Variants in CNTN5 observed in about 807,000 individuals in gnomAD.
CNTN5 encodes the protein contactin 5, also known as contactin-5.
In CNTN5, 77 loss-of-function variants were observed where a neutral mutation model predicts 129.1. The observed-to-expected ratio is 0.60, with a 90% CI of 0.50 to 0.72. CNTN5 has a LOEUF of 0.72. CNTN5 is among the 30% of genes least tolerant of loss of function. CNTN5 has a pLI of 0.00. For synonymous variants in CNTN5, 509 were observed against 465.6 expected (o/e 1.09, Z -1.20); for missense variants, 1,478 against 1,328.8 (o/e 1.11, Z -1.75).
intron 18 of CNTN5, among the ~76,000 whole-genome samples, chr11:100,282,297 AG>A (rs994329045): frequency 2.6e-5 from 4 of 152,308 alleles, no homozygotes; most frequent in East Asian, 3.9e-4. Flanking sequence ...TATCTGCTTT[AG>A]GGGACACCCC....
chr11:99,323,277 T>C (rs188635321), intron 1 of CNTN5, among the ~76,000 whole-genome samples: 2 of 152,282 alleles, frequency 1.3e-5, no homozygotes, highest in Admixed American at 6.5e-5. Flanking sequence ...AGTCTGACTC[T>C]GACTGCAAAT....
intron 9 of CNTN5, among the ~76,000 whole-genome samples, chr11:100,026,433 G>A (rs1448559308): frequency 6.6e-6 from 1 of 152,062 alleles, no homozygotes; most frequent in Non-Finnish European, 1.5e-5. Flanking sequence ...TATGGTTATA[G>A]TATGTTTACT....
At chr11:99,584,090 G>T (rs988648385) in intron 3 of CNTN5, among the ~76,000 whole-genome samples, 5 of 152,166 alleles carry the variant, frequency 3.3e-5, no homozygotes, top group Non-Finnish European at 7.4e-5. Flanking sequence ...GATTAAGGAG[G>T]ATGTGATTTC....
chr11:99,243,823 G>T (rs1442741606), intron 1 of CNTN5, among the ~76,000 whole-genome samples: 1 of 146,118 alleles, frequency 6.8e-6, no homozygotes, highest in Admixed American at 6.9e-5. Context: ...TGGTCTGTAT[G>T]CCTTTTTTTC....
intron 7 of CNTN5, among the ~76,000 whole-genome samples, chr11:99,950,268 G>A (rs1451461055): frequency 6.6e-6 from 1 of 152,172 alleles, no homozygotes; most frequent in Non-Finnish European, 1.5e-5. Context: ...CACGAGGTCA[G>A]GAGATCGAGA....
chr11:99,356,064 G>A (rs1425616216), intron 2 of CNTN5, among the ~76,000 whole-genome samples: 3 of 151,902 alleles, frequency 2.0e-5, no homozygotes, highest in Non-Finnish European at 4.4e-5. Flanking sequence ...CTGACCTCGT[G>A]ATCTACCTGC....
At chr11:99,126,973 C>T (rs1442803130) in intron 1 of CNTN5, among the ~76,000 whole-genome samples, 7 of 152,152 alleles carry the variant, frequency 4.6e-5, no homozygotes, top group Non-Finnish European at 2.9e-5. Context: ...GTGGCACTCT[C>T]AGGGAGCCAT....
chr11:100,193,663 C>A lies in CNTN5; in HGVS notation c.1884C>A (p.Ala628=), dbSNP rs200936698. ...GTGGACATTTTGAAAGCATCAGGGCCGTAAGTGAATACACTTTTATTCTTT... is the reference window on the plus strand; with the variant it reads ...GTGGACATTTTGAAAGCATCAGGGCAGTAAGTGAATACACTTTTATTCTTT... ...EEGGHFESIR[A]QASSADLMIR... is the part of the protein sequence containing the mutation. The change falls in exon 15 of 25, where the codon GCC becomes GCA. Residue 628 remains alanine, a splice_region_variant and synonymous_variant. Coordinates refer to ENST00000524871, the MANE Select transcript of CNTN5 (RefSeq NM_014361.4). 1.9e-6 allele frequency: 3 copies of A among 1,607,072 alleles called. No homozygotes were observed. The highest frequency in any genetic ancestry group is 1.3e-5 in the African/African-American group (1 of 74,278).
At chr11:99,994,703 A>C (rs1382643402) in intron 8 of CNTN5, among the ~76,000 whole-genome samples, 1 of 152,322 alleles carries the variant, frequency 6.6e-6, no homozygotes, top group Non-Finnish European at 1.5e-5. Context: ...TCGGAAATTA[A>C]GTTTGAGGAC....
chr11:99,915,100 C>T (rs12797505), intron 6 of CNTN5, among the ~76,000 whole-genome samples: 1 of 151,782 alleles, frequency 6.6e-6, no homozygotes, highest in Non-Finnish European at 1.5e-5. Context: ...TTCTAAGAAG[C>T]ATTTCTTATC....
intron 13 of CNTN5, among the ~76,000 whole-genome samples, chr11:100,136,645 C>T (rs1308667494): frequency 1.3e-5 from 2 of 151,840 alleles, no homozygotes; most frequent in East Asian, 1.9e-4. Flanking sequence ...AGTGTGTTCA[C>T]AGCACTTTCA....
At chr11:100,004,833 C>A (rs1206067048) in intron 9 of CNTN5, among the ~76,000 whole-genome samples, 1 of 152,116 alleles carries the variant, frequency 6.6e-6, no homozygotes, top group Non-Finnish European at 1.5e-5. Context: ...AGAGACACAG[C>A]CTTTATATAA....
chr11:99,386,468 T>C (rs1940933229), intron 2 of CNTN5, among the ~76,000 whole-genome samples: 1 of 152,166 alleles, frequency 6.6e-6, no homozygotes, highest in South Asian at 2.1e-4. Context: ...GACATTGCCA[T>C]GGCATTTGTA....
At chr11:99,171,300 C>G (rs1861138416) in intron 1 of CNTN5, among the ~76,000 whole-genome samples, 1 of 152,140 alleles carries the variant, frequency 6.6e-6, no homozygotes, top group Admixed American at 6.6e-5. Context: ...AGAGTGATGT[C>G]AAAATTTGTA....
At chr11:99,030,935 C>T (rs940188790) in intron 1 of CNTN5, among the ~76,000 whole-genome samples, 11 of 152,032 alleles carry the variant, frequency 7.2e-5, no homozygotes, top group Admixed American at 6.6e-5. Context: ...CGCTCGCCAC[C>T]ACGCCTGGCT....
chr11:99,767,640 A>C (rs63176360), intron 3 of CNTN5, among the ~76,000 whole-genome samples: 1 of 136,976 alleles, frequency 7.3e-6, no homozygotes, highest in African/African-American at 2.6e-5. Context: ...AAAAAAAAAA[A>C]CCCATCAGAT....
intron 1 of CNTN5, among the ~76,000 whole-genome samples, chr11:99,207,159 G>A (rs1458658482): frequency 2.0e-5 from 3 of 152,028 alleles, no homozygotes; most frequent in African/African-American, 7.2e-5. Flanking sequence ...ATCTGAAATA[G>A]GGATACATGA....
At chr11:100,319,351 C>T (rs1237369578) in intron 21 of CNTN5, among the ~76,000 whole-genome samples, 1 of 151,912 alleles carries the variant, frequency 6.6e-6, no homozygotes, top group African/African-American at 2.4e-5. Flanking sequence ...TCGGGTTTCA[C>T]CATGTTGCCC....
intron 3 of CNTN5, among the ~76,000 whole-genome samples, chr11:99,671,827 T>C (rs957873246): frequency 3.9e-5 from 6 of 152,170 alleles, no homozygotes; most frequent in Admixed American, 3.9e-4. Context: ...AAATTTTAAG[T>C]TTAGAGGTAT....
Sources: gnomAD v4.1 joint callset for allele counts (sites outside exome capture counted in the v4.1 genomes callset) on GRCh38, gnomAD v4.1.1 for gene constraint, MANE v1.5 for transcripts, NCBI Gene and HGNC (gene_info 2026-07-23, HGNC 2026-07-21) for gene names.